GJC1: variants seen among roughly 807,000 people sequenced by gnomAD.
GJC1 encodes gap junction gamma-1 protein.
A neutral mutation model predicts 29.3 loss-of-function variants in GJC1; 5 were observed. The observed-to-expected ratio is 0.17, with a 90% CI of 0.09 to 0.36. GJC1 has a LOEUF of 0.36. GJC1 is among the 10% of genes least tolerant of loss of function. The pLI is 1.00. For synonymous variants in GJC1, 177 were observed against 183.3 expected (o/e 0.97, Z 0.28); for missense variants, 310 against 496.2 (o/e 0.62, Z 3.56).
At chr17:44,812,858 G>A (rs987900794) in intron 1 of GJC1, among the ~76,000 whole-genome samples, 8 of 151,346 alleles carry the variant, frequency 5.3e-5, no homozygotes, top group South Asian at 4.2e-4. Context: ...CACATTAACC[G>A]GGATGGTCTC....
rs111996895 is a variant in GJC1, at chr17:44,811,995, TAAAAAAA to T, written c.-96-4533_-96-4527del. On this transcript the variant is annotated intron_variant, in intron 1 of 2. Coordinates refer to ENST00000592524, the MANE Select transcript of GJC1 (RefSeq NM_005497.4). ...TCCGGCCTGGGCAAGAACAAAACTC[TAAAAAAA>T]AAAAACAAAAAACAAAAAACAAAAA... Among the ~76,000 whole-genome samples the T allele has an allele frequency of 2.4e-3, 306 of 126,546 alleles. 1 individual carries two copies. The highest frequency in any genetic ancestry group is 8.1e-3 in the African/African-American group (271 of 33,642). The allele number at this position is 126,546 out of a possible 152,430, so 83.0% of individuals were successfully genotyped here.
intron 1 of GJC1, among the ~76,000 whole-genome samples, chr17:44,826,528 TAA>T (rs528084857): frequency 2.5e-4 from 29 of 117,992 alleles, no homozygotes; most frequent in Admixed American, 1.8e-4. Context: ...AGACTCCGTC[TAA>T]AAAAAAAAAA....
intron 1 of GJC1, among the ~76,000 whole-genome samples, chr17:44,809,121 C>T (rs141491979): frequency 1.6e-3 from 241 of 152,184 alleles, no homozygotes; most frequent in African/African-American, 5.6e-3. Flanking sequence ...TCCAGCTGGG[C>T]ATGGTGGCTC....
At chr17:44,825,676 G>C (rs113630349) in intron 1 of GJC1, among the ~76,000 whole-genome samples, 19,754 of 151,848 alleles carry the variant, frequency 0.13, 1,572 homozygotes, top group South Asian at 0.23. Flanking sequence ...TCGCAAGGCT[G>C]AGGCAAGAGA....
chr17:44,797,336 G>A (rs916575497), downstream of GJC1, among the ~76,000 whole-genome samples: 1 of 152,180 alleles, frequency 6.6e-6, no homozygotes, highest in Non-Finnish European at 1.5e-5. Context: ...TCAATCTCCT[G>A]ACTTCGTGAT....
chr17:44,816,138 A>AG (rs2050041435), intron 1 of GJC1, among the ~76,000 whole-genome samples: 1 of 148,250 alleles, frequency 6.7e-6, no homozygotes, highest in Admixed American at 6.7e-5. Context: ...AAAAAAAAAA[A>AG]GTTGCTTTTT....
rs1238051235 is a variant in GJC1, at chr17:44,800,057, T to G, written c.*4570A>C. ...ATGGTGACTGTGAATTATTACATAT[T>G]TATTACACATAAATGAGTTTAAATT... On this transcript the variant is annotated 3_prime_UTR_variant, in exon 3 of 3. Coordinates refer to ENST00000592524, the MANE Select transcript of GJC1 (RefSeq NM_005497.4). 2 of 152,200 alleles carry G rather than the reference T, an allele frequency of 1.3e-5. No homozygotes were observed. The highest frequency in any genetic ancestry group is 4.8e-5 in the African/African-American group (2 of 41,456). 9.4% of individuals were successfully genotyped at this position (152,200 alleles called of 1,614,324 possible).
chr17:44,810,054 G>A (rs1158977861), intron 1 of GJC1, among the ~76,000 whole-genome samples: 1 of 150,426 alleles, frequency 6.6e-6, no homozygotes, highest in Non-Finnish European at 1.5e-5. Flanking sequence ...TGTAGAGACT[G>A]GGTTTCACCA....
At position 44,805,312 on chromosome 17, in the gene GJC1, C is replaced by T. The variant is rs1251667125; in HGVS notation, c.506G>A (p.Arg169Gln). The change falls in exon 3 of 3, where the codon CGG becomes CAG. Residue 169 changes from arginine to glutamine, a missense_variant. Around this residue, in one of 4 missense-constraint regions of GJC1, gnomAD observed 45 missense variants for 126.2 expected, o/e 0.36. Coordinates refer to ENST00000592524, the MANE Select transcript of GJC1 (RefSeq NM_005497.4). This position sits in a 1 kb window ranked among gnomAD's most constrained non-coding sequence, Gnocchi z 5.1. ...KPKHDGRRRI[R>Q]EDGLMKIYVL... ...ATAGATTTTCATGAGCCCATCTTCCCGAATCCGTCGTCGGCCATCATGCTT... is the reference window on the plus strand; with the variant it reads ...ATAGATTTTCATGAGCCCATCTTCCTGAATCCGTCGTCGGCCATCATGCTT... 3.7e-6 allele frequency: 6 copies of T among 1,614,176 alleles called. No individual in the cohort carries two copies. Among genetic ancestry groups the T allele is most frequent in the Middle Eastern group, 1.6e-4 (1 of 6,062 alleles).
At chr17:44,819,800 G>A (rs1015167139) in intron 1 of GJC1, among the ~76,000 whole-genome samples, 2 of 151,930 alleles carry the variant, frequency 1.3e-5, no homozygotes, top group African/African-American at 4.8e-5. Context: ...CAGACACCTG[G>A]GTTGTCTACA....
At chr17:44,815,717 CATTG>C (rs1567711775) in intron 1 of GJC1, among the ~76,000 whole-genome samples, 1 of 152,078 alleles carries the variant, frequency 6.6e-6, no homozygotes, top group Non-Finnish European at 1.5e-5. Flanking sequence ...ATAGTATAGA[CATTG>C]ATTAATTGAC....
chr17:44,823,434 T>C (rs548621280), intron 1 of GJC1, among the ~76,000 whole-genome samples: 4 of 152,038 alleles, frequency 2.6e-5, no homozygotes, highest in Admixed American at 2.0e-4. Flanking sequence ...GTATTTTTAG[T>C]AGAGACGGGG....
rs2050203710 is a variant in GJC1, at chr17:44,829,109, T to C, written c.-97+953A>G. Among the ~76,000 whole-genome samples, 5 of 151,508 alleles carry C rather than the reference T, an allele frequency of 3.3e-5. No homozygotes were observed. In the South Asian group the frequency reaches 1.0e-3, roughly 32 times the overall value. ...TTAACTTACTCGATTTCACATCGTC[T>C]TGATGCTAACAAAATTAAGCATGAG... On this transcript the variant is annotated intron_variant, in intron 1 of 2. Transcript: ENST00000592524.
At chr17:44,811,185 GATT>G (rs1164310368) in intron 1 of GJC1, among the ~76,000 whole-genome samples, 3 of 151,850 alleles carry the variant, frequency 2.0e-5, no homozygotes, top group Admixed American at 2.0e-4. Context: ...GGGTTCAAGC[GATT>G]CTCCTGCCTC....
At position 44,799,047 on chromosome 17, in the gene GJC1, G is replaced by T. The variant is rs1239024052; in HGVS notation, c.*5580C>A. On this transcript the variant is annotated 3_prime_UTR_variant, in exon 3 of 3. Transcript: ENST00000592524. ...ACCATACCTAATTTTTATATTTTTA[G>T]TAGAGACAGTTTTGCCATGTTGGCC... 2 of 152,216 alleles carry T rather than the reference G, an allele frequency of 1.3e-5. No homozygotes were observed. The highest frequency in any genetic ancestry group is 2.9e-5 in the Non-Finnish European group (2 of 68,106). The allele number at this position is 152,216 out of a possible 1,614,324, so 9.4% of individuals were successfully genotyped here. A position where few individuals can be genotyped will look rare whatever the true frequency, so the allele number is the denominator to read the frequency against.
rs963485361 is a variant in GJC1 at position 44,805,196 on chromosome 17, C to T, written c.622G>A (p.Val208Met). 2.5e-6 allele frequency: 4 copies of T among 1,614,168 alleles called. No homozygotes were observed. The highest frequency in any genetic ancestry group is 1.1e-5 in the South Asian group (1 of 91,082). ...LYGFQVHPFY[V>M]CSRLPCPHKI... ...TGAGGACAAGGAAGTCTGCTGCACA[C>T]ATAAAACGGGTGGACTTGGAAGCCA... is the stretch of plus-strand genomic sequence containing the variant. Residue 208 changes from valine to methionine, a missense_variant, in exon 3 of 3, where the codon GTG (valine) becomes ATG (methionine). Physicochemically the swap from Val to Met is conservative, Grantham distance 21 (BLOSUM62 1). Coordinates refer to ENST00000592524, the MANE Select transcript of GJC1 (RefSeq NM_005497.4). The surrounding 1 kb of genome is among the most constrained non-coding windows in gnomAD (Gnocchi z 5.1).
chr17:44,825,076 G>T (rs551088411), intron 1 of GJC1, among the ~76,000 whole-genome samples: 2 of 150,836 alleles, frequency 1.3e-5, no homozygotes, highest in South Asian at 4.2e-4. Flanking sequence ...ACTGGGCGTG[G>T]TGGCGGTGTG....
At chr17:44,815,216 G>A (rs2145336164) in intron 1 of GJC1, among the ~76,000 whole-genome samples, 1 of 152,238 alleles carries the variant, frequency 6.6e-6, no homozygotes, top group African/African-American at 2.4e-5. Flanking sequence ...GGGTCTTGCT[G>A]TCACCCAGGC....
In GJC1 at chr17:44,804,958, G is replaced by A. The variant is rs2049895085; in HGVS notation, c.860C>T (p.Pro287Leu). ...TTTGACAGCAATGTTATAGCCAGGG[G>A]GAGCAGATGGTGTATTCCAAGTGAA... ...YPFTWNTPSA[P>L]PGYNIAVKPD... The change falls in exon 3 of 3, where the codon CCC becomes CTC. Residue 287 changes from proline (P) to leucine (L), a missense_variant. Pro to Leu is a moderately conservative substitution (Grantham distance 98). Transcript: ENST00000592524. 4 of 1,613,966 alleles carry A rather than the reference G, an allele frequency of 2.5e-6. No individual in the cohort carries two copies. The highest frequency in any genetic ancestry group is 1.1e-5 in the South Asian group (1 of 91,084).
Sources: allele counts gnomAD v4.1 joint callset (sites outside exome capture counted in the v4.1 genomes callset), GRCh38; gene constraint gnomAD v4.1.1; regional missense constraint gnomAD v4.1.1; non-coding constraint Gnocchi (gnomAD v3.1); transcripts MANE v1.5; gene names NCBI Gene and HGNC (gene_info 2026-07-23, HGNC 2026-07-21).